COXFA4L2: variants seen among roughly 807,000 people sequenced by gnomAD.
COXFA4L2 encodes the protein NADH dehydrogenase (ubiquinone) 1 alpha subcomplex, 4-like 2.
At chr12:57,236,718 C>T in the COXFA4L2 span, 1 of 1,518,254 alleles carries the variant, frequency 6.6e-7, no homozygotes, top group Middle Eastern at 1.7e-4. Flanking sequence ...GGGGTCAGCC[C>T]TCTCCCCGCA....
At chr12:57,236,778 G>T in the COXFA4L2 span, 1 of 759,652 alleles carries the variant, frequency 1.3e-6, no homozygotes, top group Admixed American at 2.9e-5. Context: ...ACCCCACCCC[G>T]GGTCTGGTGC....
the COXFA4L2 span, among the ~76,000 whole-genome samples, chr12:57,238,764 G>A: frequency 3.3e-5 from 5 of 152,114 alleles, no homozygotes; most frequent in South Asian, 1.0e-3. This position sits in a 1 kb window ranked among gnomAD's most constrained non-coding sequence, Gnocchi z 6.8. Context: ...TTCCAGAGCC[G>A]CCGCTGTCCC....
At chr12:57,235,446 G>A in the COXFA4L2 span, 4 of 1,137,292 alleles carry the variant, frequency 3.5e-6, no homozygotes, top group Non-Finnish European at 5.3e-6. Context: ...CCCGGCCTGT[G>A]TAAGCAGTAG....
the COXFA4L2 span, chr12:57,235,553 C>T: frequency 6.2e-7 from 1 of 1,613,078 alleles, no homozygotes. Flanking sequence ...CACTGGCAGC[C>T]CAGCCTGGCT....
At chr12:57,236,168 A>T in the COXFA4L2 span, 1 of 328,604 alleles carries the variant, frequency 3.0e-6, no homozygotes, top group Non-Finnish European at 5.5e-6. Context: ...GGGAATTATA[A>T]AGCCATGGGT....
chr12:57,236,917 G>A, the COXFA4L2 span: 1 of 1,431,566 alleles, frequency 7.0e-7, no homozygotes, highest in Non-Finnish European at 9.9e-7. Flanking sequence ...CAACCTTAGG[G>A]GAAGAATAGG....
chr12:57,238,832 C>G, the COXFA4L2 span, among the ~76,000 whole-genome samples: 1 of 152,240 alleles, frequency 6.6e-6, no homozygotes, highest in Non-Finnish European at 1.5e-5. This position sits in a 1 kb window ranked among gnomAD's most constrained non-coding sequence, Gnocchi z 6.8. Context: ...ATTGCCTCCG[C>G]TCCGCCTCTC....
the COXFA4L2 span, chr12:57,236,330 C>G: frequency 1.6e-4 from 78 of 476,960 alleles, 2 homozygotes; most frequent in Middle Eastern, 1.6e-3. Flanking sequence ...CCACCGCTGG[C>G]TGAGCGGCGT....
the COXFA4L2 span, chr12:57,236,746 A>G: frequency 6.9e-7 from 1 of 1,446,658 alleles, no homozygotes; most frequent in African/African-American, 1.4e-5. Flanking sequence ...GTCACCCTTT[A>G]CAAGCTTTTC....
the COXFA4L2 span, chr12:57,235,494 G>A: frequency 3.8e-5 from 58 of 1,528,152 alleles, no homozygotes; most frequent in Admixed American, 1.8e-4. Context: ...TGGGGCCTGC[G>A]GGGAGGAGTG....
At chr12:57,238,988 C>G in the COXFA4L2 span, among the ~76,000 whole-genome samples, 1 of 152,242 alleles carries the variant, frequency 6.6e-6, no homozygotes, top group Admixed American at 6.5e-5. This position sits in a 1 kb window ranked among gnomAD's most constrained non-coding sequence, Gnocchi z 6.8. Flanking sequence ...CGGATCCCAT[C>G]TCTCCTCGCT....
chr12:57,236,544 C>T, the COXFA4L2 span: 1 of 1,473,218 alleles, frequency 6.8e-7, no homozygotes, highest in South Asian at 1.3e-5. Context: ...ATTTCCACCC[C>T]ATCTTGCCTC....
the COXFA4L2 span, chr12:57,235,427 G>C: frequency 1.1e-6 from 1 of 940,612 alleles, no homozygotes; most frequent in Non-Finnish European, 1.7e-6. Context: ...CCTCCCCTCT[G>C]CGTGGGAACC....
At chr12:57,235,512 T>C in the COXFA4L2 span, 1 of 1,591,606 alleles carries the variant, frequency 6.3e-7, no homozygotes, top group South Asian at 1.1e-5. Flanking sequence ...GTGGAAGAAG[T>C]GGATGGGCTG....
At chr12:57,235,869 C>CTAAG in the COXFA4L2 span, 2 of 1,436,258 alleles carry the variant, frequency 1.4e-6, no homozygotes, top group Non-Finnish European at 1.9e-6. Flanking sequence ...ACTCTGTAAC[C>CTAAG]CAATTTGACC....
At chr12:57,238,577 C>G in the COXFA4L2 span, among the ~76,000 whole-genome samples, 1 of 152,194 alleles carries the variant, frequency 6.6e-6, no homozygotes, top group African/African-American at 2.4e-5. This position sits in a 1 kb window ranked among gnomAD's most constrained non-coding sequence, Gnocchi z 6.8. Context: ...CAAACTCGAG[C>G]GGCCGCACAA....
chr12:57,237,693 G>A, the COXFA4L2 span: 1 of 156,004 alleles, frequency 6.4e-6, no homozygotes. Context: ...TGCGGTTGGA[G>A]GCTGGAAGAA....
chr12:57,236,925 A>G, the COXFA4L2 span: 2 of 1,465,946 alleles, frequency 1.4e-6, no homozygotes, highest in Non-Finnish European at 1.9e-6. Context: ...GGGGAAGAAT[A>G]GGAGCGCTGA....
At chr12:57,238,025 T>TG in the COXFA4L2 span, 8 of 152,598 alleles carry the variant, frequency 5.2e-5, no homozygotes, top group African/African-American at 1.9e-4. The surrounding 1 kb of genome is among the most constrained non-coding windows in gnomAD (Gnocchi z 6.8). Context: ...CCCCCGTCTC[T>TG]GGGGAATTTG....
Sources: allele counts gnomAD v4.1 joint callset (sites outside exome capture counted in the v4.1 genomes callset), GRCh38; gene constraint gnomAD v4.1.1; non-coding constraint Gnocchi (gnomAD v3.1); transcripts MANE v1.5; gene names NCBI Gene and HGNC (gene_info 2026-07-23, HGNC 2026-07-21).